Variants in LSP1 observed in about 807,000 individuals in gnomAD.
LSP1 encodes the protein lymphocyte-specific protein 1.
A neutral mutation model predicts 49.3 loss-of-function variants in LSP1; 32 were observed. That is an observed-to-expected ratio of 0.65 (90% CI 0.49 to 0.87). The LOEUF is 0.87. Among genes scored for constraint, LSP1 ranks in the 40% least tolerant of loss-of-function variants. The pLI, the probability that LSP1 is intolerant of heterozygous loss-of-function variation, is 0.00. For missense variants in LSP1, 428 were observed against 442.6 expected (o/e 0.97, Z 0.30); for synonymous variants, 179 against 178.8 (o/e 1.00, Z -0.01).
In LSP1 at chr11:1,884,690, C is replaced by T. The variant is rs1392276301; in HGVS notation, c.717+109C>T. 1.2e-6 allele frequency: 1 copy of T among 842,858 alleles called. No individual in the cohort carries two copies. Among genetic ancestry groups the T allele is most frequent in the Non-Finnish European group, 1.9e-6 (1 of 519,260 alleles). The allele number at this position is 842,858 out of a possible 1,614,324, so 52.2% of individuals were successfully genotyped here. A position where few individuals can be genotyped will look rare whatever the true frequency, so the allele number is the denominator to read the frequency against. ...TCAGTGCCGCCTTATTCAACCAACA[C>T]CCTATCCAACCAATGCTTCTCCATC... is the stretch of plus-strand genomic sequence containing the variant. On this transcript the variant is annotated intron_variant, in intron 7 of 10. Coordinates refer to ENST00000311604, the MANE Select transcript of LSP1 (RefSeq NM_002339.3). This position sits in a 1 kb window ranked among gnomAD's most constrained non-coding sequence, Gnocchi z 4.1.
chr11:1,865,297 C>A, intron 1 of LSP1: 1 of 956,348 alleles, frequency 1.0e-6, no homozygotes, highest in Non-Finnish European at 1.2e-6. Flanking sequence ...GCATGGAGGG[C>A]AGGGCAGGGT....
At chr11:1,865,231 C>T in intron 1 of LSP1, 1 of 985,550 alleles carries the variant, frequency 1.0e-6, no homozygotes, top group Non-Finnish European at 1.2e-6. Context: ...TGAGGAGGAA[C>T]TCTAGCAGAC....
At chr11:1,885,196 C>T (rs1037219593) in intron 7 of LSP1, among the ~76,000 whole-genome samples, 2 of 151,782 alleles carry the variant, frequency 1.3e-5, no homozygotes, top group African/African-American at 4.8e-5. Flanking sequence ...AATGCTTCTC[C>T]ATCTGACCAA....
chr11:1,870,504 A>G, intron 1 of LSP1: 2 of 1,193,538 alleles, frequency 1.7e-6, no homozygotes, highest in Non-Finnish European at 2.1e-6. Flanking sequence ...GGCACCCCAG[A>G]GCTCCACAGG....
At chr11:1,854,761 C>T (rs10743028) in intron 1 of LSP1, among the ~76,000 whole-genome samples, 43,214 of 152,014 alleles carry the variant, frequency 0.28, 6,293 homozygotes, top group East Asian at 0.46. Flanking sequence ...CAAAACGGGC[C>T]CTCCTGTCAG....
At position 1,884,383 on chromosome 11, in the gene LSP1, T is replaced by A; in HGVS notation, c.635+60T>A. On this transcript the variant is annotated intron_variant, in intron 6 of 10. Coordinates refer to ENST00000311604, the MANE Select transcript of LSP1 (RefSeq NM_002339.3). The surrounding 1 kb of genome is among the most constrained non-coding windows in gnomAD (Gnocchi z 4.1). Reference sequence around the variant, plus strand: ...GATCTTAGGTTTAACCAAGTGGGGGTTGAAGGGAGTCACAAGGTAGAGATC... The same window carrying A: ...GATCTTAGGTTTAACCAAGTGGGGGATGAAGGGAGTCACAAGGTAGAGATC... 3 of 1,611,578 alleles carry A rather than the reference T, an allele frequency of 1.9e-6. No homozygotes were observed. Among genetic ancestry groups the A allele is most frequent in the Non-Finnish European group, 2.5e-6 (3 of 1,178,110 alleles).
At chr11:1,887,602 G>C in intron 10 of LSP1, 26 bp downstream of exon 10, 2 of 1,574,424 alleles carry the variant, frequency 1.3e-6, no homozygotes, top group Non-Finnish European at 1.7e-6. Context: ...CTCACAGAAG[G>C]GGATGAGGTG....
At chr11:1,889,193 G>A in intron 10 of LSP1, 1 of 675,124 alleles carries the variant, frequency 1.5e-6, no homozygotes, top group Non-Finnish European at 2.7e-6. Context: ...TCTTGGGCTG[G>A]GGGCTCAGCT....
chr11:1,864,694 G>A (rs1847730013), intron 1 of LSP1, among the ~76,000 whole-genome samples: 1 of 152,032 alleles, frequency 6.6e-6, no homozygotes. Context: ...CCTGAAGTAG[G>A]AGAGGGGAAA....
At chr11:1,865,182 G>A (rs778967282) in intron 1 of LSP1, 35 of 985,954 alleles carry the variant, frequency 3.5e-5, no homozygotes, top group Non-Finnish European at 4.1e-5. Flanking sequence ...CCAGGTCGCC[G>A]CCTGAGCAGA....
chr11:1,886,493 C>A (rs751646655), intron 7 of LSP1, among the ~76,000 whole-genome samples: 2 of 152,246 alleles, frequency 1.3e-5, no homozygotes, highest in Non-Finnish European at 2.9e-5. Flanking sequence ...TGGAGGCAGA[C>A]CCACATCTGT....
At position 1,889,299 on chromosome 11, in the gene LSP1, C is replaced by T. The variant is rs541935482; in HGVS notation, c.*13+1723C>T. 5.8e-4 allele frequency: 404 copies of T among 700,338 alleles called. 10 individuals carry two copies. The highest frequency in any genetic ancestry group is 5.6e-3 in the South Asian group (374 of 66,226). The allele number at this position is 700,338 out of a possible 1,614,324, so 43.4% of individuals were successfully genotyped here. ...GTACAGGAAGGGCAGGCGGGTGAGG[C>T]TGGCTGGGGTGTGCTCCCCACCGCT... On this transcript the variant is annotated intron_variant, in intron 10 of 10. Coordinates refer to ENST00000311604, the MANE Select transcript of LSP1 (RefSeq NM_002339.3).
At chr11:1,890,381 G>A (rs558487838) in intron 10 of LSP1, 143 of 716,804 alleles carry the variant, frequency 2.0e-4, no homozygotes, top group East Asian at 7.0e-4. Context: ...CCTCACTCAC[G>A]GGGGACAGGG....
chr11:1,890,919 C>T (rs1047220037), intron 10 of LSP1: 4 of 281,720 alleles, frequency 1.4e-5, no homozygotes, highest in South Asian at 7.9e-5. Flanking sequence ...TGGGTCAGGC[C>T]GCAACACCGT....
At chr11:1,890,410 G>A (rs1228699304) in intron 10 of LSP1, 2 of 717,228 alleles carry the variant, frequency 2.8e-6, no homozygotes, top group African/African-American at 1.7e-5. Context: ...AAGGCCCTGG[G>A]TGGAGCGAGG....
At chr11:1,875,807 C>G (rs1049548017) in intron 1 of LSP1, among the ~76,000 whole-genome samples, 3 of 152,204 alleles carry the variant, frequency 2.0e-5, no homozygotes, top group African/African-American at 7.2e-5. Flanking sequence ...GGCGCATGCC[C>G]CTCCCGCTGC....
intron 10 of LSP1, chr11:1,889,662 C>T (rs953271238): frequency 4.3e-5 from 27 of 632,556 alleles, no homozygotes; most frequent in South Asian, 1.9e-4. Flanking sequence ...GCTGGACACT[C>T]GCTCGGCCTC....
At chr11:1,887,852 C>T (rs1442810784) in intron 10 of LSP1, among the ~76,000 whole-genome samples, 1 of 152,194 alleles carries the variant, frequency 6.6e-6, no homozygotes, top group Non-Finnish European at 1.5e-5. Flanking sequence ...TGGGACTCCC[C>T]AAAAGCCACA....
intron 1 of LSP1, among the ~76,000 whole-genome samples, chr11:1,873,506 G>GAGGA (rs1288815871): frequency 1.3e-5 from 2 of 149,172 alleles, no homozygotes; most frequent in East Asian, 4.1e-4. Context: ...AAGATGGAGG[G>GAGGA]AGGGAGGGAG....
Sources: gnomAD v4.1 joint callset for allele counts (sites outside exome capture counted in the v4.1 genomes callset) on GRCh38, gnomAD v4.1.1 for gene constraint, Gnocchi (gnomAD v3.1) non-coding constraint, MANE v1.5 for transcripts, NCBI Gene and HGNC (gene_info 2026-07-23, HGNC 2026-07-21) for gene names.